Variants in DSCAM observed in about 807,000 individuals in gnomAD.
DSCAM encodes the protein DS cell adhesion molecule, also known as cell adhesion molecule DSCAM.
DSCAM carries 47 observed loss-of-function variants against 217.7 expected under a neutral mutation model. The observed-to-expected ratio is 0.22, with a 90% CI of 0.17 to 0.28. The LOEUF is 0.28. Ranked by LOEUF, DSCAM falls within the 10% of genes least tolerant of loss-of-function variation. The pLI, the probability that DSCAM is intolerant of heterozygous loss-of-function variation, is 1.00. For synonymous variants in DSCAM, 1,056 were observed against 1,015.3 expected (o/e 1.04, Z -0.76); for missense variants, 2,080 against 2,618.3 (o/e 0.79, Z 4.49).
chr21:40,638,404 T>TATGCATTCACCATTAGAAGCAG (rs543671863), intron 3 of DSCAM, among the ~76,000 whole-genome samples: 203 of 152,326 alleles, frequency 1.3e-3, no homozygotes, highest in African/African-American at 4.5e-3. Flanking sequence ...AAAATGAATT[T>TATGCATTCACCATTAGAAGCAG]ATGCATTCAC....
chr21:40,524,515 G>C (rs548301057), intron 3 of DSCAM, among the ~76,000 whole-genome samples: 1 of 151,874 alleles, frequency 6.6e-6, no homozygotes, highest in East Asian at 1.9e-4. Flanking sequence ...AGATTTTTCA[G>C]CGCTTTCTGT....
At chr21:40,335,678 T>C (rs1407870996) in intron 8 of DSCAM, among the ~76,000 whole-genome samples, 3 of 152,230 alleles carry the variant, frequency 2.0e-5, no homozygotes, top group Non-Finnish European at 2.9e-5. Context: ...ATTTGATGCC[T>C]CATTTGTAAT....
chr21:40,774,676 A>T (rs554583728), intron 1 of DSCAM, among the ~76,000 whole-genome samples: 2 of 152,326 alleles, frequency 1.3e-5, no homozygotes, highest in East Asian at 3.9e-4. Context: ...AATGGAACAC[A>T]TTATTAGACA....
chr21:40,660,325 GGA>G (rs1472597376), intron 3 of DSCAM, among the ~76,000 whole-genome samples: 1 of 152,140 alleles, frequency 6.6e-6, no homozygotes, highest in Admixed American at 6.5e-5. Context: ...AAAGGAGGAG[GGA>G]GAGAGGTAGG....
chr21:40,341,992 T>C (rs2074497245), intron 6 of DSCAM, among the ~76,000 whole-genome samples: 1 of 152,206 alleles, frequency 6.6e-6, no homozygotes, highest in Non-Finnish European at 1.5e-5. Flanking sequence ...TGGGTTTGTC[T>C]CATATTTCCT....
chr21:40,846,263 C>T (rs2092144614), intron 1 of DSCAM, among the ~76,000 whole-genome samples: 1 of 152,034 alleles, frequency 6.6e-6, no homozygotes, highest in South Asian at 2.1e-4. Flanking sequence ...CATCCCTTTC[C>T]AGGTTGTAAT....
chr21:40,612,515 G>A (rs907097594), intron 3 of DSCAM, among the ~76,000 whole-genome samples: 2 of 152,162 alleles, frequency 1.3e-5, no homozygotes, highest in Non-Finnish European at 2.9e-5. Context: ...TTGCCGCGAG[G>A]AGAAAGAGAT....
At chr21:40,641,956 G>A (rs1379845481) in intron 3 of DSCAM, among the ~76,000 whole-genome samples, 2 of 150,008 alleles carry the variant, frequency 1.3e-5, no homozygotes, top group Non-Finnish European at 1.5e-5. Context: ...ACCGAGGCAG[G>A]AGAATTGTTT....
intron 6 of DSCAM, among the ~76,000 whole-genome samples, chr21:40,346,449 G>A (rs2074558983): frequency 6.6e-6 from 1 of 152,116 alleles, no homozygotes; most frequent in Non-Finnish European, 1.5e-5. Context: ...ACATATTAGT[G>A]TGTTTTCTTT....
chr21:40,428,234 T>TTGTGTGTGTGTGTG (rs71186936), intron 3 of DSCAM, among the ~76,000 whole-genome samples: 5 of 129,352 alleles, frequency 3.9e-5, no homozygotes, highest in East Asian at 2.4e-4. Context: ...GGCAAATACT[T>TTGTGTGTGTGTGTG]TGTGTGTGTG....
At chr21:40,061,869 G>A (rs900116901) in intron 28 of DSCAM, among the ~76,000 whole-genome samples, 4 of 152,292 alleles carry the variant, frequency 2.6e-5, no homozygotes, top group African/African-American at 9.6e-5. Flanking sequence ...TCTCTCCCAC[G>A]TAAATCATCC....
At chr21:40,567,286 T>G (rs745732828) in intron 3 of DSCAM, among the ~76,000 whole-genome samples, 5 of 152,200 alleles carry the variant, frequency 3.3e-5, no homozygotes, top group Admixed American at 2.0e-4. Flanking sequence ...CACCCATTAA[T>G]TGAACGGCCT....
chr21:40,433,604 T>C (rs2075556490), intron 3 of DSCAM, among the ~76,000 whole-genome samples: 1 of 152,230 alleles, frequency 6.6e-6, no homozygotes, highest in Non-Finnish European at 1.5e-5. Context: ...AGGATTTATT[T>C]TTTTCTATCT....
chr21:40,398,140 C>G (rs2075198816), intron 3 of DSCAM, among the ~76,000 whole-genome samples: 1 of 152,176 alleles, frequency 6.6e-6, no homozygotes, highest in African/African-American at 2.4e-5. Flanking sequence ...TGGTCCTGGG[C>G]CTGTCTACAA....
intron 11 of DSCAM, among the ~76,000 whole-genome samples, chr21:40,247,639 G>A (rs1234764991): frequency 6.6e-6 from 1 of 152,184 alleles, no homozygotes; most frequent in East Asian, 1.9e-4. Context: ...GCTTTCCAGG[G>A]TACAACCTTC....
intron 3 of DSCAM, among the ~76,000 whole-genome samples, chr21:40,556,455 A>C (rs1309157953): frequency 6.6e-6 from 1 of 152,234 alleles, no homozygotes; most frequent in Non-Finnish European, 1.5e-5. Flanking sequence ...TATATGTCTT[A>C]GTCTATTTTG....
At chr21:40,132,477 C>G (rs2090163547) in intron 19 of DSCAM, among the ~76,000 whole-genome samples, 1 of 152,202 alleles carries the variant, frequency 6.6e-6, no homozygotes, top group African/African-American at 2.4e-5. Flanking sequence ...ACATTTGAAC[C>G]TTAGATTCCC....
intron 3 of DSCAM, among the ~76,000 whole-genome samples, chr21:40,374,379 C>T (rs977185190): frequency 2.6e-5 from 4 of 152,276 alleles, no homozygotes; most frequent in African/African-American, 7.2e-5. Flanking sequence ...TGCTTGTTTG[C>T]TTACTTATGA....
chr21:40,383,826 A>G (rs2075052476), intron 3 of DSCAM: 1 of 152,216 alleles, frequency 6.6e-6, no homozygotes, highest in African/African-American at 2.4e-5. Context: ...TTTTAAGTAA[A>G]CAAGAATTAT....
Sources: gnomAD v4.1 joint callset for allele counts (sites outside exome capture counted in the v4.1 genomes callset) on GRCh38, gnomAD v4.1.1 for gene constraint, MANE v1.5 for transcripts, NCBI Gene and HGNC (gene_info 2026-07-23, HGNC 2026-07-21) for gene names.